The following ADCY8 variants were observed in gnomAD, a reference collection of about 807,000 sequenced individuals.
ADCY8 encodes the protein adenylate cyclase 8, also known as adenylate cyclase type 8.
In ADCY8, 51 loss-of-function variants were observed where a neutral mutation model predicts 119.7. The observed-to-expected ratio is 0.43, with a 90% CI of 0.34 to 0.54. ADCY8 has a LOEUF of 0.54. ADCY8 is among the 20% of genes least tolerant of loss of function. The probability of loss-of-function intolerance (pLI) is 0.03; values close to 1 mark genes in which losing one functional copy is unlikely to be tolerated. For synonymous variants in ADCY8, 665 were observed against 651.0 expected (o/e 1.02, Z -0.33); for missense variants, 1,383 against 1,598.8 (o/e 0.87, Z 2.30).
chr8:130,919,565 C>G (rs1317838345), intron 5 of ADCY8, among the ~76,000 whole-genome samples: 2 of 152,184 alleles, frequency 1.3e-5, no homozygotes, highest in African/African-American at 4.8e-5. Context: ...TGATGTCTGT[C>G]AACTTCTGTG....
At chr8:130,837,865 G>T (rs1476627145) in intron 11 of ADCY8, among the ~76,000 whole-genome samples, 1 of 152,196 alleles carries the variant, frequency 6.6e-6, no homozygotes. Context: ...GAGGTTCATA[G>T]AGCTTAAGTA....
chr8:130,914,846 C>T (rs1820080144), intron 5 of ADCY8, among the ~76,000 whole-genome samples: 1 of 152,198 alleles, frequency 6.6e-6, no homozygotes, highest in South Asian at 2.1e-4. Context: ...GGCAGGGATG[C>T]CACCTTCCAT....
intron 11 of ADCY8, among the ~76,000 whole-genome samples, chr8:130,838,828 G>C (rs1215992868): frequency 7.1e-6 from 1 of 141,176 alleles, no homozygotes; most frequent in Admixed American, 7.1e-5. Context: ...ATGTAAAGCA[G>C]ACATAAAAAT....
chr8:130,875,795 C>T (rs1818539658), intron 8 of ADCY8, among the ~76,000 whole-genome samples: 2 of 152,150 alleles, frequency 1.3e-5, no homozygotes, highest in Admixed American at 1.3e-4. Flanking sequence ...GAGAGACATT[C>T]TGGACATAGC....
intron 15 of ADCY8, among the ~76,000 whole-genome samples, chr8:130,797,255 C>T (rs1054238819): frequency 1.3e-5 from 2 of 152,114 alleles, no homozygotes; most frequent in African/African-American, 4.8e-5. Flanking sequence ...TAAAGCCCAT[C>T]AGCTATCCTT....
chr8:131,009,349 G>T (rs574143495), intron 1 of ADCY8, among the ~76,000 whole-genome samples: 2 of 152,332 alleles, frequency 1.3e-5, no homozygotes, highest in Admixed American at 1.3e-4. Flanking sequence ...TTGGGCCATT[G>T]CTTGAGAGAG....
intron 3 of ADCY8, chr8:130,949,793 A>G (rs1247528483): frequency 6.6e-6 from 1 of 152,152 alleles, no homozygotes; most frequent in African/African-American, 2.4e-5. Context: ...CCCATATTCT[A>G]TTATGATTAA....
intron 5 of ADCY8, among the ~76,000 whole-genome samples, chr8:130,925,679 A>G (rs1820444489): frequency 6.6e-6 from 1 of 152,202 alleles, no homozygotes; most frequent in Non-Finnish European, 1.5e-5. Flanking sequence ...TTTTAATAAA[A>G]TGGAATCCTG....
chr8:130,927,025 T>G (rs1161739730), intron 5 of ADCY8, among the ~76,000 whole-genome samples: 1 of 151,914 alleles, frequency 6.6e-6, no homozygotes, highest in East Asian at 1.9e-4. Context: ...ATTGCATATC[T>G]TGGCTATGGT....
At chr8:130,874,772 T>C (rs72714406) in intron 8 of ADCY8, among the ~76,000 whole-genome samples, 11,887 of 152,072 alleles carry the variant, frequency 0.078, 510 homozygotes, top group Non-Finnish European at 0.1. Context: ...TTAAAAACCT[T>C]CCATACCACC....
chr8:130,965,519 T>C (rs146099243), intron 2 of ADCY8, among the ~76,000 whole-genome samples: 73 of 152,324 alleles, frequency 4.8e-4, no homozygotes, highest in African/African-American at 1.7e-3. Context: ...AAACCTGTGG[T>C]ATGTGCCTAC....
At chr8:130,787,609 T>G (rs1167584995) in intron 15 of ADCY8, among the ~76,000 whole-genome samples, 3 of 152,192 alleles carry the variant, frequency 2.0e-5, no homozygotes, top group Non-Finnish European at 4.4e-5. Flanking sequence ...ACAGTACATG[T>G]GTAGTGATGT....
chr8:130,999,942 T>C (rs759307455), intron 1 of ADCY8, among the ~76,000 whole-genome samples: 4 of 152,262 alleles, frequency 2.6e-5, no homozygotes, highest in Non-Finnish European at 4.4e-5. Flanking sequence ...TTAGGACTGA[T>C]GTTTCATCAT....
chr8:130,981,670 C>G (rs1822245003), intron 2 of ADCY8, among the ~76,000 whole-genome samples: 1 of 152,150 alleles, frequency 6.6e-6, no homozygotes, highest in African/African-American at 2.4e-5. Context: ...AGCATAGGGT[C>G]ATGAACTGTC....
At chr8:130,822,078 A>G (rs1816527181) in intron 12 of ADCY8, among the ~76,000 whole-genome samples, 1 of 152,228 alleles carries the variant, frequency 6.6e-6, no homozygotes, top group Admixed American at 6.5e-5. Context: ...GAGATGAAGA[A>G]GGCATGTTGT....
intron 1 of ADCY8, among the ~76,000 whole-genome samples, chr8:131,039,062 C>T (rs929801235): frequency 2.0e-5 from 3 of 152,170 alleles, no homozygotes; most frequent in Non-Finnish European, 2.9e-5. Context: ...TCTCCTGCTC[C>T]GGAGACTGCA....
Position 130,903,793 on chromosome 8 carries a change from A to G in ADCY8, c.1890T>C (p.Asp630=). The G allele has an allele frequency of 6.2e-7, 1 of 1,612,848 alleles. No individual in the cohort carries two copies. Among genetic ancestry groups the G allele is most frequent in the Non-Finnish European group, 8.5e-7 (1 of 1,179,970 alleles). Residue 630 remains aspartate (D), a synonymous_variant, in exon 7 of 18, where the codon GAT becomes GAC. Transcript: ENST00000286355. The part of the protein sequence containing the change: ...EGSWSPELPF[D]NIVGKQNTLA... ...TTACATTCTGTTTCCCCACGATATTATCAAAGGGCAGTTCAGGGCTCCAGG... is the reference window on the plus strand; with the variant it reads ...TTACATTCTGTTTCCCCACGATATTGTCAAAGGGCAGTTCAGGGCTCCAGG...
At position 130,780,615 on chromosome 8, in the gene ADCY8, G is replaced by T. The variant is rs779649531; in HGVS notation, c.3531C>A (p.Asn1177Lys). Residue 1177 changes from asparagine (N) to lysine (K), a missense_variant, in exon 18 of 18, where the codon AAC (asparagine) becomes AAA (lysine). By Grantham distance (94) the Asn-to-Lys change is moderately conservative. Coordinates refer to ENST00000286355, the MANE Select transcript of ADCY8 (RefSeq NM_001115.3). The part of the protein sequence containing the change: ...TYFLLGRVQP[N>K]PFILPPRRLP... ...GTCTTCTTGGGGGCAAGATGAATGG[G>T]TTGGGTTGGACTCTTCCCAGAAGAA... 6.2e-7 allele frequency: 1 copy of T among 1,614,206 alleles called. No individual in the cohort carries two copies. The highest frequency in any genetic ancestry group is 1.3e-5 in the African/African-American group (1 of 75,062).
At chr8:130,922,925 G>A (rs1193383128) in intron 5 of ADCY8, among the ~76,000 whole-genome samples, 2 of 152,170 alleles carry the variant, frequency 1.3e-5, no homozygotes, top group Non-Finnish European at 2.9e-5. Flanking sequence ...GTTTCATTTG[G>A]AAATTGTTCT....
Sources: gnomAD v4.1 joint callset for allele counts (sites outside exome capture counted in the v4.1 genomes callset) on GRCh38, gnomAD v4.1.1 for gene constraint, MANE v1.5 for transcripts, NCBI Gene and HGNC (gene_info 2026-07-23, HGNC 2026-07-21) for gene names.